RGPD3: variants seen among roughly 807,000 people sequenced by gnomAD.
The protein encoded by RGPD3 is ranBP2-like and GRIP domain-containing protein 3.
RGPD3 carries 62 observed loss-of-function variants against 154.5 expected under a neutral mutation model. That is an observed-to-expected ratio of 0.40 (90% confidence interval 0.33 to 0.50). RGPD3 has a LOEUF of 0.50. Ranked by LOEUF, RGPD3 falls within the 20% of genes least tolerant of loss-of-function variation. The pLI, the probability that RGPD3 is intolerant of heterozygous loss-of-function variation, is 0.59. For missense variants in RGPD3, 919 were observed against 1,716.8 expected, an observed-to-expected ratio of 0.54 and a Z score of 8.21; for synonymous variants, 308 against 607.0, an observed-to-expected ratio of 0.51 and a Z score of 7.24.
intron 22 of RGPD3, among the ~76,000 whole-genome samples, chr2:106,405,628 A>T (rs1439060257): frequency 1.3e-5 from 2 of 152,224 alleles, no homozygotes; most frequent in Non-Finnish European, 2.9e-5. Context: ...CTCCCACTTC[A>T]GCCTCACAGT....
chr2:106,415,772 A>C (rs1283840273), intron 21 of RGPD3, 78 bp downstream of exon 21: 1 of 1,599,320 alleles, frequency 6.3e-7, no homozygotes, highest in Admixed American at 1.7e-5. Context: ...GTGAATTTTT[A>C]AACTTGGGTA....
At chr2:106,461,805 C>G (rs1243925042) in intron 1 of RGPD3, among the ~76,000 whole-genome samples, 1 of 151,910 alleles carries the variant, frequency 6.6e-6, no homozygotes, top group Non-Finnish European at 1.5e-5. Context: ...AATCCCAGCA[C>G]TGGCAACAGA....
chr2:106,468,105 A>T, intron 1 of RGPD3, 112 bp downstream of exon 1: 1 of 1,358,138 alleles, frequency 7.4e-7, no homozygotes, highest in Non-Finnish European at 9.9e-7. Context: ...CGCGCCAGGG[A>T]GCAGCGCTCG....
chr2:106,467,993 G>T (rs1251329795), intron 1 of RGPD3, among the ~76,000 whole-genome samples: 31 of 141,682 alleles, frequency 2.2e-4, no homozygotes, highest in Admixed American at 2.1e-3. Context: ...CGAGGCCGGC[G>T]CCTCAACAGA....
chr2:106,418,549 C>T (rs1044236310), intron 20 of RGPD3, among the ~76,000 whole-genome samples: 1 of 152,078 alleles, frequency 6.6e-6, no homozygotes, highest in African/African-American at 2.4e-5. Flanking sequence ...CAAGACTTTG[C>T]TGTTTGCTGA....
chr2:106,451,066 TGAC>T (rs1678105623), intron 6 of RGPD3, among the ~76,000 whole-genome samples: 1 of 126,610 alleles, frequency 7.9e-6, no homozygotes, highest in Admixed American at 9.6e-5. Context: ...TCCAGCCTGG[TGAC>T]AGAGCAAGAC....
intron 20 of RGPD3, among the ~76,000 whole-genome samples, chr2:106,420,841 T>A (rs1676961755): frequency 6.6e-6 from 1 of 152,258 alleles, no homozygotes; most frequent in African/African-American, 2.4e-5. Context: ...AGTGATGTGA[T>A]CATAGTTCAC....
chr2:106,465,181 C>G (rs956369769), intron 1 of RGPD3, among the ~76,000 whole-genome samples: 1 of 150,856 alleles, frequency 6.6e-6, no homozygotes. Flanking sequence ...ATACTAACCT[C>G]TTCATATTCT....
At chr2:106,410,702 G>T (rs1340930542) in intron 22 of RGPD3, among the ~76,000 whole-genome samples, 1 of 151,838 alleles carries the variant, frequency 6.6e-6, no homozygotes, top group Non-Finnish European at 1.5e-5. Context: ...TTTTATAGGG[G>T]CAGTTTTACT....
At chr2:106,415,808 C>A (rs1421202441) in intron 21 of RGPD3, 42 bp downstream of exon 21, 6 of 1,610,290 alleles carry the variant, frequency 3.7e-6, no homozygotes, top group Non-Finnish European at 4.2e-6. Context: ...TCCAGAAAAC[C>A]AAACTGGCAG....
At chr2:106,462,714 C>T (rs1046782269) in intron 1 of RGPD3, among the ~76,000 whole-genome samples, 7 of 152,286 alleles carry the variant, frequency 4.6e-5, no homozygotes, top group East Asian at 1.9e-4. Flanking sequence ...AACGGAGTCT[C>T]GCTCTGTCAC....
intron 1 of RGPD3, among the ~76,000 whole-genome samples, chr2:106,465,557 T>A (rs192900051): frequency 1.5e-5 from 1 of 64,818 alleles, no homozygotes; most frequent in South Asian, 1.3e-3. Context: ...GGCTCTAAGC[T>A]TGCTTTTTTT....
rs11887455 is a variant in RGPD3, at chr2:106,462,006, A to G, written c.73-2674T>C. Reference sequence around the variant, plus strand: ...CAGCTCACTGCAACCTCTGCCTCCCAGGTACAAGCTGGGACTACAGGCGCA... The same window carrying G: ...CAGCTCACTGCAACCTCTGCCTCCCGGGTACAAGCTGGGACTACAGGCGCA... On this transcript the variant is annotated intron_variant, in intron 1 of 22. Transcript: ENST00000409886. Among the ~76,000 whole-genome samples the G allele has an allele frequency of 1.0e-3, 152 of 151,338 alleles. 2 individuals are homozygous for G. The East Asian group carries it at 0.025, about 25-fold the overall frequency.
chr2:106,464,648 G>A (rs1398252683), intron 1 of RGPD3, among the ~76,000 whole-genome samples: 4 of 151,898 alleles, frequency 2.6e-5, no homozygotes, highest in African/African-American at 7.2e-5. Flanking sequence ...ATAAGAAACC[G>A]ACTTGACAGA....
Position 106,424,904 on chromosome 2 carries a change from A to C in RGPD3, c.3063T>G (p.Phe1021Leu), listed in dbSNP as rs1558840944. Residue 1021 changes from phenylalanine to leucine, a missense_variant, in exon 20 of 23, where the codon TTT becomes TTG. Phe to Leu is a conservative substitution (Grantham distance 22, BLOSUM62 0). Coordinates refer to ENST00000409886, the MANE Select transcript of RGPD3 (RefSeq NM_001144013.2). ...MANKANTSGD[F>L]EKDDDAYKTE... The stretch of plus-strand genomic sequence containing the variant: ...TCTTATAGGCATCATCATCTTTCTC[A>C]AAGTCACCGGAAGTGTTTGCTTTAT... The C allele has an allele frequency of 2.5e-6, 4 of 1,611,746 alleles. No individual in the cohort carries two copies. Among genetic ancestry groups the C allele is most frequent in the Non-Finnish European group, 1.7e-6 (2 of 1,179,772 alleles).
intron 20 of RGPD3, among the ~76,000 whole-genome samples, chr2:106,421,524 T>C (rs1676986156): frequency 6.6e-6 from 1 of 150,976 alleles, no homozygotes; most frequent in Non-Finnish European, 1.5e-5. Context: ...TCACTAAGGG[T>C]GAGATTTCAC....
At chr2:106,408,044 TC>T (rs1306249925) in intron 22 of RGPD3, among the ~76,000 whole-genome samples, 1 of 101,910 alleles carries the variant, frequency 9.8e-6, no homozygotes, top group Non-Finnish European at 2.0e-5. Context: ...GACTTTTACT[TC>T]CGGCTTGAGT....
chr2:106,449,682 C>A (rs1167206221), intron 6 of RGPD3, among the ~76,000 whole-genome samples: 19 of 151,890 alleles, frequency 1.3e-4, no homozygotes, highest in Admixed American at 1.2e-3. Flanking sequence ...TTGAGACCTT[C>A]CAGTACTTTG....
intron 7 of RGPD3, among the ~76,000 whole-genome samples, chr2:106,444,917 G>A (rs1434997255): frequency 1.3e-4 from 16 of 126,638 alleles, no homozygotes; most frequent in Middle Eastern, 3.4e-3. Context: ...GGTGAGCTAC[G>A]ATTACGCAAC....
Sources: allele counts gnomAD v4.1 joint callset (sites outside exome capture counted in the v4.1 genomes callset), GRCh38; gene constraint gnomAD v4.1.1; transcripts MANE v1.5; gene names NCBI Gene and HGNC (gene_info 2026-07-23, HGNC 2026-07-21).